NTM: variants seen among roughly 807,000 people sequenced by gnomAD.
The protein encoded by NTM is IgLON family member 2.
In NTM, 13 loss-of-function variants were observed where a neutral mutation model predicts 42.1. That is an observed-to-expected ratio of 0.31 (90% confidence interval 0.20 to 0.49). The LOEUF is 0.49. Ranked by LOEUF, NTM falls within the 20% of genes least tolerant of loss-of-function variation. The pLI is 0.99. For synonymous variants in NTM, 187 were observed against 179.2 expected (o/e 1.04, Z -0.35); for missense variants, 373 against 452.8 (o/e 0.82, Z 1.60).
rs957145904 is a variant in NTM, at chr11:131,708,254, T to G, written c.83-203310T>G. ...AAACATGAATTCTTCAATAGTAAAA[T>G]AAACTGAAAATATGAAGAGCTAGTT... On this transcript the variant is annotated intron_variant, in intron 1 of 8. Transcript: ENST00000683400. Among the ~76,000 whole-genome samples, 17 of 152,208 alleles carry G rather than the reference T, an allele frequency of 1.1e-4. No homozygotes were observed. In the East Asian group the frequency reaches 2.5e-3, roughly 22 times the overall value.
At chr11:132,005,393 G>T (rs2518001) in intron 2 of NTM, among the ~76,000 whole-genome samples, 1 of 152,120 alleles carries the variant, frequency 6.6e-6, no homozygotes, top group African/African-American at 2.4e-5. Flanking sequence ...GATGGTAGAC[G>T]ACTTGAAGGC....
chr11:131,955,372 T>C (rs1411831005), intron 2 of NTM, among the ~76,000 whole-genome samples: 2 of 152,174 alleles, frequency 1.3e-5, no homozygotes, highest in African/African-American at 4.8e-5. Flanking sequence ...CCTAGACACA[T>C]GGATCCTAGC....
At chr11:131,737,312 G>A (rs2135545046) in intron 1 of NTM, among the ~76,000 whole-genome samples, 1 of 152,256 alleles carries the variant, frequency 6.6e-6, no homozygotes, top group African/African-American at 2.4e-5. Context: ...ACAGATGCAG[G>A]GATGGTGGAT....
chr11:131,923,673 A>G (rs758626415), intron 2 of NTM, among the ~76,000 whole-genome samples: 2 of 152,202 alleles, frequency 1.3e-5, no homozygotes, highest in African/African-American at 2.4e-5. Flanking sequence ...AAGGCCTACA[A>G]ACTTTGGGGG....
rs531843224 is a variant in NTM, at chr11:132,292,128, T to C, written c.527-15561T>C. On this transcript the variant is annotated intron_variant, in intron 4 of 8. Coordinates refer to ENST00000683400, the MANE Select transcript of NTM (RefSeq NM_001352005.2). ...AGTCCAGGTAGCTGATGAAGGGAAT[T>C]CCTTGAAAAAGTGAGAAAGAAACAA... Among the ~76,000 whole-genome samples, 4 of 152,198 alleles carry C rather than the reference T, an allele frequency of 2.6e-5. No individual in the cohort carries two copies. The South Asian group carries it at 6.2e-4, about 24-fold the overall frequency.
chr11:131,878,640 T>TATAA (rs1488317297), intron 1 of NTM, among the ~76,000 whole-genome samples: 15 of 121,398 alleles, frequency 1.2e-4, no homozygotes, highest in African/African-American at 5.0e-4. Context: ...TATATATATA[T>TATAA]AATGTCTTAT....
At chr11:131,455,438 C>A (rs979380883) in intron 1 of NTM, 2 of 152,142 alleles carry the variant, frequency 1.3e-5, no homozygotes, top group African/African-American at 4.8e-5. Context: ...GAGGGCCTGA[C>A]CACAAAGGAG....
At chr11:132,222,458 A>G (rs2085361157) in intron 4 of NTM, among the ~76,000 whole-genome samples, 1 of 152,194 alleles carries the variant, frequency 6.6e-6, no homozygotes, top group Non-Finnish European at 1.5e-5. Context: ...GTCCTTTCTT[A>G]TCTGAGTCTG....
intron 1 of NTM, among the ~76,000 whole-genome samples, chr11:131,688,792 C>A (rs1263028700): frequency 6.6e-6 from 1 of 152,194 alleles, no homozygotes; most frequent in Non-Finnish European, 1.5e-5. Flanking sequence ...CTGTCTGGAG[C>A]ACCATTTTGA....
chr11:131,776,020 C>A (rs2086910977), intron 1 of NTM, among the ~76,000 whole-genome samples: 2 of 152,170 alleles, frequency 1.3e-5, no homozygotes, highest in African/African-American at 4.8e-5. Context: ...CCTGGAACAA[C>A]TGTGGGGCCT....
At chr11:132,123,026 C>A (rs1340295559) in intron 2 of NTM, among the ~76,000 whole-genome samples, 1 of 152,064 alleles carries the variant, frequency 6.6e-6, no homozygotes, top group Non-Finnish European at 1.5e-5. Context: ...CCTGGCTGGC[C>A]TCCTCCTGGC....
chr11:131,896,691 T>C (rs1185751018), intron 1 of NTM, among the ~76,000 whole-genome samples: 1 of 147,730 alleles, frequency 6.8e-6, no homozygotes, highest in African/African-American at 2.5e-5. Context: ...TTTTTTTTTT[T>C]TTTTTTTTTT....
chr11:132,046,025 G>A (rs1459856547), intron 2 of NTM, among the ~76,000 whole-genome samples: 2 of 152,116 alleles, frequency 1.3e-5, no homozygotes, highest in Non-Finnish European at 2.9e-5. Flanking sequence ...GTGCATTTCT[G>A]TGTCATCCCT....
At chr11:131,930,584 C>A (rs1276788993) in intron 2 of NTM, among the ~76,000 whole-genome samples, 2 of 152,134 alleles carry the variant, frequency 1.3e-5, no homozygotes, top group Non-Finnish European at 2.9e-5. Flanking sequence ...TCTCTTGGCA[C>A]AATCTAAGAA....
chr11:132,086,438 G>A (rs1290552039), intron 2 of NTM, among the ~76,000 whole-genome samples: 1 of 151,872 alleles, frequency 6.6e-6, no homozygotes, highest in Non-Finnish European at 1.5e-5. Context: ...AAAACATAAA[G>A]GCCTTTTAAA....
chr11:131,472,161 C>T (rs552192354), intron 1 of NTM, among the ~76,000 whole-genome samples: 15 of 152,264 alleles, frequency 9.9e-5, no homozygotes, highest in African/African-American at 3.6e-4. Flanking sequence ...GCGGGATTCC[C>T]TTGAGTGATT....
chr11:131,393,097 C>A (rs1039063383), intron 1 of NTM, among the ~76,000 whole-genome samples: 1 of 152,180 alleles, frequency 6.6e-6, no homozygotes, highest in Non-Finnish European at 1.5e-5. Flanking sequence ...CTTATTCAGA[C>A]GGGCTCTCTC....
At chr11:131,943,832 G>A (rs1565792403) in intron 2 of NTM, among the ~76,000 whole-genome samples, 1 of 152,146 alleles carries the variant, frequency 6.6e-6, no homozygotes, top group South Asian at 2.1e-4. Context: ...ACTGGAATCT[G>A]ATCATCCCCC....
At chr11:131,852,638 T>A (rs2045677936) in intron 1 of NTM, among the ~76,000 whole-genome samples, 1 of 152,140 alleles carries the variant, frequency 6.6e-6, no homozygotes, top group Non-Finnish European at 1.5e-5. Context: ...GTTTTCTGCC[T>A]CTTACCTTTT....
Sources: allele counts gnomAD v4.1 joint callset (sites outside exome capture counted in the v4.1 genomes callset), GRCh38; gene constraint gnomAD v4.1.1; transcripts MANE v1.5; gene names NCBI Gene and HGNC (gene_info 2026-07-23, HGNC 2026-07-21).